Variants in HAUS6 observed in about 807,000 individuals in gnomAD.
The protein encoded by HAUS6 is HAUS augmin-like complex subunit 6.
HAUS6 carries 80 observed loss-of-function variants against 106.8 expected under a neutral mutation model. The ratio of observed to expected loss-of-function variants is 0.75; its 90% confidence interval spans 0.63 to 0.90. The LOEUF (loss-of-function observed/expected upper bound fraction) is 0.90, where lower values mean the gene tolerates loss of function less well. HAUS6 is among the 40% of genes least tolerant of loss of function. The probability of loss-of-function intolerance (pLI) is 0.00; values close to 1 mark genes in which losing one functional copy is unlikely to be tolerated. For missense variants in HAUS6, 1,155 were observed against 1,118.1 expected (o/e 1.03, Z -0.47); for synonymous variants, 356 against 379.1 (o/e 0.94, Z 0.71).
intron 4 of HAUS6, among the ~76,000 whole-genome samples, chr9:19,091,060 G>C (rs1817733998): frequency 1.3e-5 from 2 of 152,100 alleles, no homozygotes; most frequent in African/African-American, 4.8e-5. Flanking sequence ...CAGCACTTTG[G>C]GAGGCCGAGG....
intron 8 of HAUS6, among the ~76,000 whole-genome samples, chr9:19,080,877 A>T (rs1837130381): frequency 6.6e-6 from 1 of 152,186 alleles, no homozygotes; most frequent in South Asian, 2.1e-4. Flanking sequence ...GTTCGAGACC[A>T]GCCTGACCAA....
chr9:19,076,330 G>A (rs372104114), intron 11 of HAUS6, among the ~76,000 whole-genome samples: 1 of 151,924 alleles, frequency 6.6e-6, no homozygotes, highest in African/African-American at 2.4e-5. Flanking sequence ...CTCCAGCTTG[G>A]GCAACAAAGT....
rs1205022321 is a variant in HAUS6 at position 19,102,528 on chromosome 9, C to T, written c.124G>A (p.Gly42Arg). ...CGKIVSHTHLGVNMFDKLNRD... is the reference protein window; with the variant it reads ...CGKIVSHTHLRVNMFDKLNRD... ...CGCCGGCCCCGGCCTCCTTACACTC[C>T]GAGGTGCGTGTGCGACACGATCTTT... Residue 42 changes from glycine (G) to arginine (R), a missense_variant, in exon 1 of 17, where the codon GGA (glycine) becomes AGA (arginine). Gly to Arg is a moderately radical substitution (Grantham distance 125, BLOSUM62 -2). Transcript: ENST00000380502. 1 of 1,613,378 alleles carries T rather than the reference C, an allele frequency of 6.2e-7. No homozygotes were observed.
rs559158228 is a variant in HAUS6, at chr9:19,069,204, C to G, written c.1376+1015G>C. 9.3e-4 allele frequency among the ~76,000 whole-genome samples: 141 copies of G among 152,234 alleles called. 1 individual carries two copies. The highest frequency in any genetic ancestry group is 1.4e-3 in the Non-Finnish European group (96 of 68,012). ...TCTCAAAGGCCCCCAAACACTTGAA[C>G]TTAGTTTCAAAAAAGTTCACATACA... On this transcript the variant is annotated intron_variant, in intron 12 of 16. Coordinates refer to ENST00000380502, the MANE Select transcript of HAUS6 (RefSeq NM_017645.5).
At chr9:19,095,880 G>C (rs1311357221) in intron 2 of HAUS6, among the ~76,000 whole-genome samples, 2 of 152,024 alleles carry the variant, frequency 1.3e-5, no homozygotes, top group Admixed American at 1.3e-4. Flanking sequence ...AAATGTAATA[G>C]GAATGATTTT....
At chr9:19,069,416 C>T (rs1041562173) in intron 12 of HAUS6, among the ~76,000 whole-genome samples, 3 of 152,102 alleles carry the variant, frequency 2.0e-5, no homozygotes, top group Admixed American at 6.6e-5. Context: ...TGGCCGGGTG[C>T]GGTGGCTCAC....
intron 12 of HAUS6, among the ~76,000 whole-genome samples, chr9:19,067,171 T>C (rs1422934919): frequency 1.3e-5 from 2 of 152,214 alleles, no homozygotes; most frequent in African/African-American, 4.8e-5. Context: ...ACATATGAAT[T>C]TCCCAGTTAA....
At position 19,083,012 on chromosome 9, in the gene HAUS6, G is replaced by A. The variant is rs190653467; in HGVS notation, c.731C>T (p.Thr244Met). 1.4e-4 allele frequency: 227 copies of A among 1,585,904 alleles called. 2 individuals carry two copies. The highest frequency in any genetic ancestry group is 1.2e-3 in the South Asian group (106 of 85,360). The change falls in exon 8 of 17, where the codon ACG (threonine) becomes ATG (methionine). Residue 244 changes from threonine to methionine, a missense_variant. By Grantham distance (81) the Thr-to-Met change is moderately conservative. Around this residue, in one of 3 missense-constraint regions of HAUS6, gnomAD observed 761 missense variants for 690.0 expected, o/e 1.10. Coordinates refer to ENST00000380502, the MANE Select transcript of HAUS6 (RefSeq NM_017645.5). ...TCTCTCTTTTTCCAAAAACATGAGCGTTTCATTCACTGAAGCCCACAAAGA... is the reference window on the plus strand; with the variant it reads ...TCTCTCTTTTTCCAAAAACATGAGCATTTCATTCACTGAAGCCCACAAAGA... Reference protein sequence around the residue: ...VRSLWASVNETLMFLEKEREV... With the variant: ...VRSLWASVNEMLMFLEKEREV...
intron 3 of HAUS6, 146 bp downstream of exon 3, chr9:19,094,171 A>G: frequency 5.8e-6 from 3 of 519,450 alleles, no homozygotes. Context: ...ACCAAAAACC[A>G]TCAAAGAAGA....
In HAUS6 at chr9:19,058,141, C is replaced by G; in HGVS notation, c.2626G>C (p.Asp876His). The change falls in exon 16 of 17, where the codon GAT (aspartate) becomes CAT (histidine). Residue 876 changes from aspartate (D) to histidine (H), a missense_variant. Physicochemically the swap from Asp to His is moderately conservative, Grantham distance 81. Transcript: ENST00000380502. ...LSPTPQNVQT[D>H]DTLNFLDTCD... ...GTGTCCAAAAAGTTAAGCGTATCAT[C>G]TGTTTGTACATTTTGGGGAGTAGGG... 2 of 1,613,996 alleles carry G rather than the reference C, an allele frequency of 1.2e-6. No homozygotes were observed. The highest frequency in any genetic ancestry group is 1.7e-6 in the Non-Finnish European group (2 of 1,179,894).
At chr9:19,083,528 C>A (rs1409478287) in intron 7 of HAUS6, among the ~76,000 whole-genome samples, 1 of 152,026 alleles carries the variant, frequency 6.6e-6, no homozygotes, top group South Asian at 2.1e-4. Context: ...AGAAGCCGGG[C>A]GCAGTGGCTC....
At chr9:19,083,312 T>TGC (rs1005653814) in intron 7 of HAUS6, among the ~76,000 whole-genome samples, 1 of 152,080 alleles carries the variant, frequency 6.6e-6, no homozygotes, top group Non-Finnish European at 1.5e-5. Flanking sequence ...CTTACTATGT[T>TGC]GCCCAGGCCA....
In HAUS6 at chr9:19,060,023, G is replaced by C. The variant is rs41269001; in HGVS notation, c.1765+65C>G. On this transcript the variant is annotated intron_variant, in intron 15 of 16. Coordinates refer to ENST00000380502, the MANE Select transcript of HAUS6 (RefSeq NM_017645.5). ...CAACTCAGCTAAAAAGATCTGTCAG[G>C]CCATGGTTCTAACAGTGGTTATGTC... The C allele has an allele frequency of 1.2e-3, 1,501 of 1,283,860 alleles. 2 individuals are homozygous for C. Among genetic ancestry groups the C allele is most frequent in the Non-Finnish European group, 1.6e-3 (1,437 of 908,472 alleles). 79.5% of individuals were successfully genotyped at this position (1,283,860 alleles called of 1,614,324 possible).
rs766151985 is a variant in HAUS6 at position 19,080,518 on chromosome 9, T to A, written c.1025A>T (p.Lys342Ile). 1.9e-6 allele frequency: 3 copies of A among 1,608,854 alleles called. No individual in the cohort carries two copies. The Admixed American group carries it at 5.0e-5, about 27-fold the overall frequency. ...ATCTGATAATCTTTCCTTCTGAAAT[T>A]TGGTCTCTTTTTCAAGGTAGTGAAG... ...VDLHYLEKET[K>I]FQKERLSDLK... The change falls in exon 9 of 17, where the codon AAA becomes ATA. Residue 342 changes from lysine to isoleucine, a missense_variant. By Grantham distance (102) the Lys-to-Ile change is moderately radical. Around this residue, in one of 3 missense-constraint regions of HAUS6, gnomAD observed 761 missense variants for 690.0 expected, o/e 1.10. Coordinates refer to ENST00000380502, the MANE Select transcript of HAUS6 (RefSeq NM_017645.5).
intron 2 of HAUS6, 93 bp downstream of exon 2, chr9:19,096,581 A>G (rs1410274750): frequency 1.8e-5 from 10 of 542,140 alleles, no homozygotes; most frequent in Non-Finnish European, 2.9e-5. Context: ...AAAAAAAAAA[A>G]AAAAAAAAGG....
chr9:19,083,105 A>ACAG, intron 7 of HAUS6, 62 bp from the exon 8 acceptor site: 2 of 932,220 alleles, frequency 2.1e-6, no homozygotes, highest in Non-Finnish European at 3.1e-6. Context: ...TTAAAAATGT[A>ACAG]AATGTATGTT....
intron 12 of HAUS6, among the ~76,000 whole-genome samples, chr9:19,064,157 G>A (rs1386426265): frequency 6.6e-6 from 1 of 151,908 alleles, no homozygotes. Flanking sequence ...AGTAGAGATG[G>A]GCTTTCTCCA....
chr9:19,071,399 AAAGAAT>A lies in HAUS6; in HGVS notation c.1295-1105_1295-1100del, dbSNP rs368722201. Among the ~76,000 whole-genome samples the A allele has an allele frequency of 3.1e-3, 470 of 152,280 alleles. 3 individuals carry two copies. Among genetic ancestry groups the A allele is most frequent in the African/African-American group, 0.011 (448 of 41,564 alleles). On this transcript the variant is annotated intron_variant, in intron 11 of 16. Coordinates refer to ENST00000380502, the MANE Select transcript of HAUS6 (RefSeq NM_017645.5). ...TAGGAGTTTCAGAAGGAAAGGATCAAAAGAATAAGAGATAAAGTAATATTTTAAGAG... is the reference window on the plus strand; with the variant it reads ...TAGGAGTTTCAGAAGGAAAGGATCAAAAGAGATAAAGTAATATTTTAAGAG...
At chr9:19,079,220 ATTT>A (rs1175226252) in intron 9 of HAUS6, among the ~76,000 whole-genome samples, 1 of 145,870 alleles carries the variant, frequency 6.9e-6, no homozygotes, top group Non-Finnish European at 1.5e-5. Context: ...CCATTTTATT[ATTT>A]TTTTTTCTTT....
Sources: allele counts gnomAD v4.1 joint callset (sites outside exome capture counted in the v4.1 genomes callset), GRCh38; gene constraint gnomAD v4.1.1; regional missense constraint gnomAD v4.1.1; transcripts MANE v1.5; gene names NCBI Gene and HGNC (gene_info 2026-07-23, HGNC 2026-07-21).